ANGPT2: variants seen among roughly 807,000 people sequenced by gnomAD.
ANGPT2 encodes the protein angiopoietin 2.
ANGPT2 carries 28 observed loss-of-function variants against 62.9 expected under a neutral mutation model. The ratio of observed to expected loss-of-function variants is 0.44; its 90% CI spans 0.33 to 0.61. The LOEUF (loss-of-function observed/expected upper bound fraction) is 0.61. Among genes scored for constraint, ANGPT2 ranks in the 20% least tolerant of loss-of-function variants. ANGPT2 has a pLI of 0.03. For missense variants in ANGPT2, 727 were observed against 594.9 expected, an observed-to-expected ratio of 1.22 and a Z score of -2.31; for synonymous variants, 284 against 207.8, an observed-to-expected ratio of 1.37 and a Z score of -3.15.
chr8:6,562,549 C>CTT (rs1264718918), intron 1 of ANGPT2, 98 bp downstream of exon 1: 17 of 87,394 alleles, frequency 1.9e-4, no homozygotes, highest in Non-Finnish European at 3.2e-4. Flanking sequence ...CTTCATCCTC[C>CTT]TTCTTTTTTT....
intron 1 of ANGPT2, among the ~76,000 whole-genome samples, chr8:6,548,588 G>A (rs1430999902): frequency 6.6e-6 from 1 of 152,128 alleles, no homozygotes; most frequent in African/African-American, 2.4e-5. Context: ...ATGAGCCAAG[G>A]TACAGAAAGT....
At chr8:6,532,760 C>T (rs1819769030) in intron 1 of ANGPT2, among the ~76,000 whole-genome samples, 1 of 152,084 alleles carries the variant, frequency 6.6e-6, no homozygotes, top group African/African-American at 2.4e-5. Context: ...TCTAGAAGTC[C>T]ATGTCATGGC....
At chr8:6,557,702 C>CAG (rs1174723866) in intron 1 of ANGPT2, among the ~76,000 whole-genome samples, 10 of 151,580 alleles carry the variant, frequency 6.6e-5, no homozygotes, top group Non-Finnish European at 8.8e-5. Flanking sequence ...CACACACACA[C>CAG]ACACACACAC....
chr8:6,542,646 T>G (rs1821828297), intron 1 of ANGPT2, among the ~76,000 whole-genome samples: 2 of 152,176 alleles, frequency 1.3e-5, no homozygotes, highest in Admixed American at 1.3e-4. Flanking sequence ...TCTTACTTTT[T>G]CATTTTTGAA....
rs1474663482 is a variant in ANGPT2 at position 6,521,227 on chromosome 8, A to C, written c.750T>G (p.Asp250Glu). The part of the protein sequence containing the change: ...NNSVLQKQQH[D>E]LMETVNNLLT... ...GTAAGTTATTAACTGTCTCCATGAG[A>C]TCATGTTGCTGCTTCTGAAGAACTG... Residue 250 changes from aspartate (D) to glutamate (E), a missense_variant, in exon 4 of 9, where the codon GAT (aspartate) becomes GAG (glutamate). By Grantham distance (45) the Asp-to-Glu change is conservative. Transcript: ENST00000629816. 6.2e-7 allele frequency: 1 copy of C among 1,613,938 alleles called. No homozygotes were observed. Among genetic ancestry groups the C allele is most frequent in the Non-Finnish European group, 8.5e-7 (1 of 1,179,936 alleles).
Position 6,501,545 on chromosome 8 carries a change from T to A in ANGPT2, c.*1556A>T, listed in dbSNP as rs1018333949. 3 of 151,244 alleles carry A rather than the reference T, an allele frequency of 2.0e-5. No homozygotes were observed. The highest frequency in any genetic ancestry group is 7.3e-5 in the African/African-American group (3 of 41,078). 9.4% of individuals were successfully genotyped at this position (151,244 alleles called of 1,614,324 possible). A position where few individuals can be genotyped will look rare whatever the true frequency, so the allele number is the denominator to read the frequency against. On this transcript the variant is annotated 3_prime_UTR_variant, in exon 9 of 9. Coordinates refer to ENST00000629816, the MANE Select transcript of ANGPT2 (RefSeq NM_001118887.2). ...TATAAAGCTGTGTTCTCAAATTTTC[T>A]TTTCTTTCTTTTTTTTTTTTTTTTT...
At chr8:6,536,814 G>C (rs567741631) in intron 1 of ANGPT2, among the ~76,000 whole-genome samples, 1 of 152,108 alleles carries the variant, frequency 6.6e-6, no homozygotes, top group African/African-American at 2.4e-5. Flanking sequence ...CCTGTCTCTT[G>C]ACCTTGATGA....
At position 6,538,063 on chromosome 8, in the gene ANGPT2, A is replaced by G. The variant is rs114003695; in HGVS notation, c.289-5576T>C. 3.8e-3 allele frequency among the ~76,000 whole-genome samples: 577 copies of G among 152,268 alleles called. 4 individuals carry two copies. The highest frequency in any genetic ancestry group is 0.013 in the African/African-American group (551 of 41,562). On this transcript the variant is annotated intron_variant, in intron 1 of 8. Transcript: ENST00000629816. ...AAACTTTTTACTGTTGCCCATTTCA[A>G]TTTCGAAATAGGATTTTGCAACCAT...
chr8:6,505,188 A>ATG (rs1813059264), intron 8 of ANGPT2, among the ~76,000 whole-genome samples: 1 of 143,176 alleles, frequency 7.0e-6, no homozygotes, highest in Non-Finnish European at 1.5e-5. Context: ...ATATATATAT[A>ATG]TATTCTTATG....
intron 2 of ANGPT2, among the ~76,000 whole-genome samples, chr8:6,528,420 A>T (rs1818792017): frequency 6.6e-6 from 1 of 152,250 alleles, no homozygotes; most frequent in African/African-American, 2.4e-5. Flanking sequence ...TGGAAGTCAC[A>T]TGCTTCCATT....
At chr8:6,562,020 C>T (rs891880750) in intron 1 of ANGPT2, among the ~76,000 whole-genome samples, 6 of 152,144 alleles carry the variant, frequency 3.9e-5, no homozygotes, top group Non-Finnish European at 7.4e-5. Context: ...ACCTCTGGGA[C>T]GCTTGGGAAC....
In ANGPT2 at chr8:6,520,607, G is replaced by A. The variant is rs183065303; in HGVS notation, c.799+571C>T. ...GACAGGATTTCACCATGTTGGCCACGCTGGTCTCCAACTCCTGTCCTCAAG... is the reference window on the plus strand; with the variant it reads ...GACAGGATTTCACCATGTTGGCCACACTGGTCTCCAACTCCTGTCCTCAAG... On this transcript the variant is annotated intron_variant, in intron 4 of 8. Coordinates refer to ENST00000629816, the MANE Select transcript of ANGPT2 (RefSeq NM_001118887.2). Among the ~76,000 whole-genome samples the A allele has an allele frequency of 1.1e-3, 162 of 152,176 alleles. 2 individuals carry two copies. The highest frequency in any genetic ancestry group is 3.8e-3 in the African/African-American group (158 of 41,514).
intron 3 of ANGPT2, among the ~76,000 whole-genome samples, chr8:6,526,144 G>A (rs1181115799): frequency 1.3e-5 from 2 of 151,618 alleles, no homozygotes; most frequent in East Asian, 1.9e-4. Flanking sequence ...ACGACGCCAG[G>A]TACGGTGGCT....
intron 1 of ANGPT2, among the ~76,000 whole-genome samples, chr8:6,536,992 C>T (rs62496864): frequency 7.1e-6 from 1 of 140,956 alleles, no homozygotes; most frequent in South Asian, 2.4e-4. Context: ...AAAAAAAAAC[C>T]AACCCAGTAA....
In ANGPT2 at chr8:6,509,687, G is replaced by C. The variant is rs77729958; in HGVS notation, c.1197-625C>G. Among the ~76,000 whole-genome samples the C allele has an allele frequency of 9.1e-3, 1,385 of 152,272 alleles. 20 individuals carry two copies. Among genetic ancestry groups the C allele is most frequent in the African/African-American group, 0.031 (1,302 of 41,554 alleles). ...CAGACGATCCCTGACTTCCCATGGG[G>C]CTATGTTCTGATAAGCCCATTTTCT... On this transcript the variant is annotated intron_variant, in intron 7 of 8. Transcript: ENST00000629816.
At chr8:6,526,730 T>C (rs1166094800) in intron 3 of ANGPT2, among the ~76,000 whole-genome samples, 2 of 152,150 alleles carry the variant, frequency 1.3e-5, no homozygotes, top group Non-Finnish European at 2.9e-5. Context: ...AATTGTGAAA[T>C]AGGATATATT....
Position 6,517,998 on chromosome 8 carries a change from G to A in ANGPT2, c.927+1866C>T, listed in dbSNP as rs144546450. Among the ~76,000 whole-genome samples, 55 of 152,166 alleles carry A rather than the reference G, an allele frequency of 3.6e-4. No individual in the cohort carries two copies. In the East Asian group the frequency reaches 9.1e-3, roughly 25 times the overall value. Reference sequence around the variant, plus strand: ...GTTTAAAGGGAATATAAATCCTAATGTTTCCAACCATGACCTGAGGCTCAT... The same window carrying A: ...GTTTAAAGGGAATATAAATCCTAATATTTCCAACCATGACCTGAGGCTCAT... On this transcript the variant is annotated intron_variant, in intron 5 of 8. Transcript: ENST00000629816.
chr8:6,518,023 T>C (rs1816606127), intron 5 of ANGPT2, among the ~76,000 whole-genome samples: 1 of 152,226 alleles, frequency 6.6e-6, no homozygotes, highest in South Asian at 2.1e-4. Flanking sequence ...CTGAGGCTCA[T>C]ATAATCCCAG....
At chr8:6,537,527 T>A (rs1563087511) in intron 1 of ANGPT2, among the ~76,000 whole-genome samples, 1 of 148,146 alleles carries the variant, frequency 6.8e-6, no homozygotes, top group Non-Finnish European at 1.5e-5. Flanking sequence ...GCAACCAGGA[T>A]GAAATATTTT....
Sources: gnomAD v4.1 joint callset for allele counts (sites outside exome capture counted in the v4.1 genomes callset) on GRCh38, gnomAD v4.1.1 for gene constraint, MANE v1.5 for transcripts, NCBI Gene and HGNC (gene_info 2026-07-23, HGNC 2026-07-21) for gene names.